Variants in SSBP2 observed in about 807,000 individuals in gnomAD.
SSBP2 encodes the protein single-stranded DNA-binding protein 2.
A neutral mutation model predicts 61.8 loss-of-function variants in SSBP2; 17 were observed. The ratio of observed to expected loss-of-function variants is 0.28; its 90% CI spans 0.19 to 0.41. The LOEUF (loss-of-function observed/expected upper bound fraction) is 0.41. SSBP2 is among the 10% of genes least tolerant of loss of function. The pLI is 1.00. For missense variants in SSBP2, 310 were observed against 458.7 expected (o/e 0.68, Z 2.96); for synonymous variants, 139 against 141.3 (o/e 0.98, Z 0.12).
intron 13 of SSBP2, among the ~76,000 whole-genome samples, chr5:81,440,983 G>A (rs1306735996): frequency 6.6e-6 from 1 of 152,158 alleles, no homozygotes; most frequent in African/African-American, 2.4e-5. Context: ...GAAAACCAAA[G>A]GTGGTTCTTA....
chr5:81,556,116 A>T (rs897460119), intron 4 of SSBP2, among the ~76,000 whole-genome samples: 7 of 152,146 alleles, frequency 4.6e-5, no homozygotes, highest in Non-Finnish European at 1.0e-4. Flanking sequence ...ACAATTGCTT[A>T]TAAAGAGATA....
intron 1 of SSBP2, among the ~76,000 whole-genome samples, chr5:81,709,024 G>A (rs549443272): frequency 1.1e-3 from 173 of 152,118 alleles, no homozygotes; most frequent in African/African-American, 4.0e-3. Context: ...TTTGATGGAA[G>A]AGCCAGGCTA....
At chr5:81,538,076 T>G (rs1011455121) in intron 4 of SSBP2, among the ~76,000 whole-genome samples, 1 of 152,138 alleles carries the variant, frequency 6.6e-6, no homozygotes, top group Admixed American at 6.6e-5. Flanking sequence ...GTAAGGCACG[T>G]CAAAAGCCAA....
At chr5:81,493,545 G>T (rs1052010903) in intron 5 of SSBP2, among the ~76,000 whole-genome samples, 1 of 152,126 alleles carries the variant, frequency 6.6e-6, no homozygotes, top group African/African-American at 2.4e-5. Context: ...CATGACGTCA[G>T]CAGTTCAAGG....
At position 81,572,144 on chromosome 5, in the gene SSBP2, A is replaced by G. The variant is rs370854146; in HGVS notation, c.282+43329T>C. ...TCACAGCATTTTGATGGCCTACTAC[A>G]TATGTACTTTCTAAAGAATATAAGT... On this transcript the variant is annotated intron_variant, in intron 4 of 16. Coordinates refer to ENST00000320672, the MANE Select transcript of SSBP2 (RefSeq NM_012446.5). Among the ~76,000 whole-genome samples the G allele has an allele frequency of 3.9e-5, 6 of 152,268 alleles. No individual in the cohort carries two copies. The East Asian group carries it at 5.8e-4, about 15-fold the overall frequency.
chr5:81,500,995 C>T (rs1767666957), intron 5 of SSBP2, among the ~76,000 whole-genome samples: 1 of 150,254 alleles, frequency 6.7e-6, no homozygotes, highest in South Asian at 2.1e-4. Context: ...AGGGAGATCA[C>T]CTGAGATCAG....
intron 1 of SSBP2, among the ~76,000 whole-genome samples, chr5:81,690,090 T>C (rs1753093594): frequency 6.6e-6 from 1 of 151,188 alleles, no homozygotes; most frequent in Admixed American, 6.6e-5. Flanking sequence ...TCAAAAAGAA[T>C]ACAACAGATA....
intron 1 of SSBP2, among the ~76,000 whole-genome samples, chr5:81,747,093 G>C (rs1249498852): frequency 6.8e-6 from 1 of 147,450 alleles, no homozygotes; most frequent in Admixed American, 7.1e-5. Flanking sequence ...TAAAATTTCT[G>C]TGCCTTCTCC....
intron 4 of SSBP2, among the ~76,000 whole-genome samples, chr5:81,596,066 C>T (rs996311020): frequency 9.9e-5 from 15 of 152,202 alleles, no homozygotes; most frequent in African/African-American, 3.4e-4. Context: ...TTGCAGACGA[C>T]ATGATTGTAT....
chr5:81,506,792 C>A (rs1249527114), intron 5 of SSBP2, among the ~76,000 whole-genome samples: 1 of 152,084 alleles, frequency 6.6e-6, no homozygotes, highest in Admixed American at 6.6e-5. Flanking sequence ...CAGAAATAAA[C>A]ATCTATCTCC....
chr5:81,528,955 G>A (rs1770172376), intron 4 of SSBP2, among the ~76,000 whole-genome samples: 2 of 151,966 alleles, frequency 1.3e-5, no homozygotes, highest in South Asian at 4.1e-4. Flanking sequence ...TTATTAAATA[G>A]ACTAAAAATC....
At chr5:81,578,193 T>C (rs1774377800) in intron 4 of SSBP2, among the ~76,000 whole-genome samples, 1 of 152,054 alleles carries the variant, frequency 6.6e-6, no homozygotes, top group Non-Finnish European at 1.5e-5. Context: ...CAATTACACA[T>C]GTGGATTAAC....
At chr5:81,452,272 A>G (rs555125248) in intron 10 of SSBP2, among the ~76,000 whole-genome samples, 8 of 152,158 alleles carry the variant, frequency 5.3e-5, no homozygotes, top group Non-Finnish European at 1.2e-4. Flanking sequence ...GTTCAAATGT[A>G]TGTTTTTAAA....
At chr5:81,713,348 G>A (rs772336267) in intron 1 of SSBP2, among the ~76,000 whole-genome samples, 7 of 151,082 alleles carry the variant, frequency 4.6e-5, no homozygotes, top group Non-Finnish European at 8.8e-5. Flanking sequence ...CCCAACCCCA[G>A]CAAAAGACTT....
At chr5:81,687,870 A>T (rs930689909) in intron 1 of SSBP2, among the ~76,000 whole-genome samples, 6 of 152,118 alleles carry the variant, frequency 3.9e-5, no homozygotes, top group African/African-American at 1.4e-4. Flanking sequence ...AGTACTTGCT[A>T]TGGGTCTTGG....
intron 1 of SSBP2, among the ~76,000 whole-genome samples, chr5:81,707,007 T>C (rs1423110088): frequency 6.6e-6 from 1 of 152,178 alleles, no homozygotes; most frequent in African/African-American, 2.4e-5. Context: ...AATAAAATTA[T>C]AAATACGGGT....
chr5:81,670,248 G>C (rs779920799), intron 1 of SSBP2, among the ~76,000 whole-genome samples: 2 of 152,260 alleles, frequency 1.3e-5, no homozygotes, highest in Admixed American at 1.3e-4. Flanking sequence ...AAACGTGGAG[G>C]TAACACATGT....
intron 16 of SSBP2, among the ~76,000 whole-genome samples, chr5:81,421,460 T>G (rs1402680481): frequency 1.3e-5 from 2 of 152,184 alleles, no homozygotes; most frequent in African/African-American, 4.8e-5. Context: ...CCCGAAGTGC[T>G]GAGATTACAG....
At chr5:81,729,570 T>C in intron 1 of SSBP2, among the ~76,000 whole-genome samples, 1 of 152,114 alleles carries the variant, frequency 6.6e-6, no homozygotes, top group East Asian at 1.9e-4. Context: ...TACCATGCCA[T>C]GAACTGAGGA....
Sources: gnomAD v4.1 joint callset for allele counts (sites outside exome capture counted in the v4.1 genomes callset) on GRCh38, gnomAD v4.1.1 for gene constraint, MANE v1.5 for transcripts, NCBI Gene and HGNC (gene_info 2026-07-23, HGNC 2026-07-21) for gene names.